IGF2BP2: variants seen among roughly 807,000 people sequenced by gnomAD.
IGF2BP2 encodes the protein insulin like growth factor 2 mRNA binding protein 2, also known as insulin-like growth factor 2 mRNA-binding protein 2.
A neutral mutation model predicts 75.8 loss-of-function variants in IGF2BP2; 17 were observed. That is an observed-to-expected ratio of 0.22 (90% CI 0.15 to 0.34). IGF2BP2 has a LOEUF of 0.34. Among genes scored for constraint, IGF2BP2 ranks in the 10% least tolerant of loss-of-function variants. The pLI is 1.00. For synonymous variants in IGF2BP2, 288 were observed against 295.6 expected (o/e 0.97, Z 0.26); for missense variants, 516 against 772.4 (o/e 0.67, Z 3.93).
chr3:185,781,317 C>T (rs1193618001), intron 2 of IGF2BP2, among the ~76,000 whole-genome samples: 1 of 152,006 alleles, frequency 6.6e-6, no homozygotes, highest in African/African-American at 2.4e-5. Flanking sequence ...TTAGAAATGT[C>T]ATAGTGAGAA....
chr3:185,709,928 C>CT (rs1245456854), intron 2 of IGF2BP2, among the ~76,000 whole-genome samples: 2 of 152,114 alleles, frequency 1.3e-5, no homozygotes. Flanking sequence ...GGGATGATCT[C>CT]TAAGATTAAA....
At chr3:185,695,356 C>T (rs1722446899) in intron 4 of IGF2BP2, among the ~76,000 whole-genome samples, 1 of 152,184 alleles carries the variant, frequency 6.6e-6, no homozygotes, top group Admixed American at 6.5e-5. Context: ...TATGACTCTG[C>T]TGTCTACAAA....
chr3:185,823,867 G>A (rs1741685533), intron 1 of IGF2BP2, among the ~76,000 whole-genome samples: 1 of 151,198 alleles, frequency 6.6e-6, no homozygotes, highest in African/African-American at 2.4e-5. Context: ...GCGCGCGCGA[G>A]TGTGTGTGTG....
chr3:185,764,238 C>T (rs1732762392), intron 2 of IGF2BP2, among the ~76,000 whole-genome samples: 1 of 151,778 alleles, frequency 6.6e-6, no homozygotes, highest in Admixed American at 6.6e-5. Context: ...AAAAAAATTG[C>T]TAATATTTTG....
intron 15 of IGF2BP2, among the ~76,000 whole-genome samples, chr3:185,646,632 A>G (rs1156648617): frequency 1.3e-5 from 2 of 152,214 alleles, no homozygotes; most frequent in African/African-American, 4.8e-5. Flanking sequence ...GGGAGTGCTC[A>G]GGCTTTCAGG....
intron 2 of IGF2BP2, among the ~76,000 whole-genome samples, chr3:185,766,154 A>AC (rs1733021789): frequency 6.6e-6 from 1 of 152,126 alleles, no homozygotes; most frequent in South Asian, 2.1e-4. Context: ...ATACACGGCC[A>AC]CTAAGCATAT....
At chr3:185,712,229 G>A (rs1277198332) in intron 2 of IGF2BP2, among the ~76,000 whole-genome samples, 1 of 152,068 alleles carries the variant, frequency 6.6e-6, no homozygotes, top group African/African-American at 2.4e-5. Context: ...TACTTACTAA[G>A]AATACCTTTT....
chr3:185,649,313 G>A (rs923494412), intron 14 of IGF2BP2, 90 bp downstream of exon 14: 2 of 1,521,718 alleles, frequency 1.3e-6, no homozygotes, highest in Admixed American at 3.7e-5. Context: ...CATTGGGACA[G>A]AAGGCGCCAA....
chr3:185,798,717 C>T (rs1325901783), intron 2 of IGF2BP2, among the ~76,000 whole-genome samples: 3 of 151,912 alleles, frequency 2.0e-5, no homozygotes, highest in African/African-American at 7.3e-5. Flanking sequence ...AATGCAACAT[C>T]ATAAGAAGCA....
At chr3:185,701,720 C>A (rs115502515) in intron 2 of IGF2BP2, among the ~76,000 whole-genome samples, 1 of 152,188 alleles carries the variant, frequency 6.6e-6, no homozygotes, top group Non-Finnish European at 1.5e-5. Context: ...CTCTTAAAAG[C>A]TGGACTGTCG....
chr3:185,659,298 G>C (rs1716014070), intron 10 of IGF2BP2, among the ~76,000 whole-genome samples: 1 of 152,116 alleles, frequency 6.6e-6, no homozygotes, highest in Non-Finnish European at 1.5e-5. Context: ...GAGGAGCAGG[G>C]AACAGGAGGG....
chr3:185,646,114 G>GGCT (rs1392317280), intron 15 of IGF2BP2, among the ~76,000 whole-genome samples: 1 of 152,172 alleles, frequency 6.6e-6, no homozygotes, highest in Non-Finnish European at 1.5e-5. Flanking sequence ...TGTCCCTGCA[G>GGCT]GCAGCTCCCT....
chr3:185,669,574 A>AAGG (rs1322137606), intron 10 of IGF2BP2, among the ~76,000 whole-genome samples: 2 of 124,444 alleles, frequency 1.6e-5, no homozygotes, highest in African/African-American at 5.8e-5. Context: ...AAAAAAAAAA[A>AAGG]GGGGGGGGGG....
intron 2 of IGF2BP2, among the ~76,000 whole-genome samples, chr3:185,723,298 T>C (rs1269494135): frequency 6.6e-6 from 1 of 152,208 alleles, no homozygotes; most frequent in Non-Finnish European, 1.5e-5. Flanking sequence ...TTCCAATACT[T>C]AGAACTCACT....
At position 185,645,969 on chromosome 3, in the gene IGF2BP2, C is replaced by A. The variant is rs1203853118; in HGVS notation, c.1708-346G>T. ...CTTGGGCTCCCGTGCTGCTCCCGCC[C>A]CCGTTCTACAGCGGCTAGGAGGGCA... On this transcript the variant is annotated intron_variant, in intron 15 of 15. Transcript: ENST00000382199. The surrounding 1 kb of genome is among the most constrained non-coding windows in gnomAD (Gnocchi z 4.9). Among the ~76,000 whole-genome samples, 1 of 151,998 alleles carries A rather than the reference C, an allele frequency of 6.6e-6. No individual in the cohort carries two copies. Among genetic ancestry groups the A allele is most frequent in the Non-Finnish European group, 1.5e-5 (1 of 67,982 alleles).
chr3:185,715,569 G>A (rs866834100), intron 2 of IGF2BP2, among the ~76,000 whole-genome samples: 10 of 152,126 alleles, frequency 6.6e-5, no homozygotes, highest in Non-Finnish European at 1.2e-4. Flanking sequence ...AGTGTAATTC[G>A]ACCCTGTTCT....
intron 2 of IGF2BP2, among the ~76,000 whole-genome samples, chr3:185,772,729 G>A (rs915581544): frequency 2.0e-5 from 3 of 151,944 alleles, no homozygotes; most frequent in African/African-American, 4.8e-5. Context: ...CTACAGGCAT[G>A]CGCCACCATG....
intron 2 of IGF2BP2, among the ~76,000 whole-genome samples, chr3:185,800,529 G>A (rs932653793): frequency 6.6e-6 from 1 of 152,094 alleles, no homozygotes; most frequent in South Asian, 2.1e-4. Context: ...TTGAGGTCAG[G>A]AGTTCAAGAC....
At chr3:185,664,913 C>T (rs971775960) in intron 10 of IGF2BP2, among the ~76,000 whole-genome samples, 1 of 152,084 alleles carries the variant, frequency 6.6e-6, no homozygotes, top group African/African-American at 2.4e-5. Flanking sequence ...AAGAAAAACA[C>T]GGATCTTTAG....
Sources: gnomAD v4.1 joint callset for allele counts (sites outside exome capture counted in the v4.1 genomes callset) on GRCh38, gnomAD v4.1.1 for gene constraint, Gnocchi (gnomAD v3.1) non-coding constraint, MANE v1.5 for transcripts, NCBI Gene and HGNC (gene_info 2026-07-23, HGNC 2026-07-21) for gene names.